The following PPP1R13L variants were observed in gnomAD, a reference collection of about 807,000 sequenced individuals.
PPP1R13L encodes protein phosphatase 1 regulatory subunit 13 like, also known as relA-associated inhibitor.
PPP1R13L carries 50 observed loss-of-function variants against 80.9 expected under a neutral mutation model. That is an observed-to-expected ratio of 0.62 (90% CI 0.49 to 0.78). The LOEUF (loss-of-function observed/expected upper bound fraction) is 0.78. PPP1R13L is among the 30% of genes least tolerant of loss of function. The probability of loss-of-function intolerance (pLI) is 0.00; values close to 1 mark genes in which losing one functional copy is unlikely to be tolerated. For missense variants in PPP1R13L, 1,200 were observed against 1,205.9 expected (o/e 1.00, Z 0.07); for synonymous variants, 602 against 534.3 (o/e 1.13, Z -1.75).
intron 8 of PPP1R13L, among the ~76,000 whole-genome samples, chr19:45,391,172 T>C (rs1193078485): frequency 6.8e-6 from 1 of 147,840 alleles, no homozygotes; most frequent in Non-Finnish European, 1.5e-5. Flanking sequence ...CACTCCAGCC[T>C]GAGTGATGGA....
At chr19:45,383,505 G>C (rs981347924) in intron 11 of PPP1R13L, among the ~76,000 whole-genome samples, 1 of 149,314 alleles carries the variant, frequency 6.7e-6, no homozygotes, top group African/African-American at 2.5e-5. Context: ...ATGTTGGTCA[G>C]GCTGGTATCA....
At chr19:45,399,830 T>A (rs533432489) in intron 1 of PPP1R13L, among the ~76,000 whole-genome samples, 19 of 151,666 alleles carry the variant, frequency 1.3e-4, no homozygotes, top group Non-Finnish European at 8.8e-5. Context: ...GTGCCTGTAA[T>A]CCCAGCTACT....
In PPP1R13L at chr19:45,396,018, A is replaced by G; in HGVS notation, c.904-132T>C. 1.6e-6 allele frequency: 2 copies of G among 1,266,598 alleles called. No homozygotes were observed. Among genetic ancestry groups the G allele is most frequent in the Non-Finnish European group, 1.1e-6 (1 of 920,326 alleles). 78.5% of individuals were successfully genotyped at this position (1,266,598 alleles called of 1,614,324 possible). Reference sequence around the variant, plus strand: ...GAGGGAGAAGAAAGGGTGAGGAAGGAGCAGAAACCCAGCACAGTGAAGGGA... The same window carrying G: ...GAGGGAGAAGAAAGGGTGAGGAAGGGGCAGAAACCCAGCACAGTGAAGGGA... On this transcript the variant is annotated intron_variant, in intron 6 of 12. Coordinates refer to ENST00000360957, the MANE Select transcript of PPP1R13L (RefSeq NM_006663.4). The surrounding 1 kb of genome is among the most constrained non-coding windows in gnomAD (Gnocchi z 5.3).
At position 45,386,044 on chromosome 19, in the gene PPP1R13L, C is replaced by T. The variant is rs566050527; in HGVS notation, c.1947+5G>A. On this transcript the variant is annotated splice_donor_5th_base_variant and intron_variant, in intron 9 of 12. Coordinates refer to ENST00000360957, the MANE Select transcript of PPP1R13L (RefSeq NM_006663.4). Reference sequence around the variant, plus strand: ...CGTGCCCACCTCCCGCTCAGCAGCGCTCACCTCCTTCACCGCCTGCTGCAC... The same window carrying T: ...CGTGCCCACCTCCCGCTCAGCAGCGTTCACCTCCTTCACCGCCTGCTGCAC... 1.9e-6 allele frequency: 3 copies of T among 1,589,240 alleles called. No individual in the cohort carries two copies. The African/African-American group carries it at 4.0e-5, about 21-fold the overall frequency.
Position 45,396,130 on chromosome 19 carries a change from C to A in PPP1R13L, c.903+38G>T, listed in dbSNP as rs1446516268. ...CCGCTCCCCCACCCCACTCCTCGAC[C>A]TTCCCCAGCCTCTCCTCCCCAGGCG... On this transcript the variant is annotated intron_variant, in intron 6 of 12. Transcript: ENST00000360957. The surrounding 1 kb of genome is among the most constrained non-coding windows in gnomAD (Gnocchi z 5.3). 1.9e-6 allele frequency: 3 copies of A among 1,559,556 alleles called. No homozygotes were observed. The highest frequency in any genetic ancestry group is 3.8e-5 in the Admixed American group (2 of 52,878).
chr19:45,391,907 G>C lies in PPP1R13L; in HGVS notation c.1788C>G (p.Ser596Arg). 6.7e-7 allele frequency: 1 copy of C among 1,496,366 alleles called. No homozygotes were observed. The highest frequency in any genetic ancestry group is 8.9e-7 in the Non-Finnish European group (1 of 1,126,782). 92.7% of individuals were successfully genotyped at this position (1,496,366 alleles called of 1,614,324 possible). ...TGCTCTGCGGCTGCTCTGGTGGGCT[G>C]CTCTGGGACGGGGCCGGGGGTGGAA... The part of the protein sequence containing the change: ...APIPPPAPSQ[S>R]SPPEQPQSME... Residue 596 changes from serine (S) to arginine (R), a missense_variant, in exon 8 of 13, where the codon AGC becomes AGG. This residue lies in a region of PPP1R13L where 214 missense variants were observed against 199.6 expected (regional missense o/e 1.07). Coordinates refer to ENST00000360957, the MANE Select transcript of PPP1R13L (RefSeq NM_006663.4).
At chr19:45,386,015 C>G in intron 9 of PPP1R13L, 34 bp downstream of exon 9, 1 of 1,579,962 alleles carries the variant, frequency 6.3e-7, no homozygotes, top group Non-Finnish European at 8.6e-7. Flanking sequence ...TGCGATGCCC[C>G]CGCCGTGCCC....
At chr19:45,391,733 A>G (rs1972975792) in intron 8 of PPP1R13L, 147 bp downstream of exon 8, 1 of 529,444 alleles carries the variant, frequency 1.9e-6, no homozygotes, top group Non-Finnish European at 3.0e-6. Flanking sequence ...TGAGGTGCCT[A>G]CAGTCCTGGG....
intron 12 of PPP1R13L, among the ~76,000 whole-genome samples, chr19:45,380,646 T>C (rs867383654): frequency 1.3e-5 from 2 of 152,134 alleles, no homozygotes; most frequent in South Asian, 2.1e-4. Context: ...GACGAGACCC[T>C]GTCTCTACTA....
At position 45,396,382 on chromosome 19, in the gene PPP1R13L, T is replaced by C. The variant is rs1222213125; in HGVS notation, c.767A>G (p.Asp256Gly). ...CGAAGGCTTCTTCTCGTACGCCACG[T>C]CCAGGTCAGACTCGTTCCAGGCTTT... Reference protein sequence around the residue: ...PPKAWNESDLDVAYEKKPSQT... With the variant: ...PPKAWNESDLGVAYEKKPSQT... Residue 256 changes from aspartate (D) to glycine (G), a missense_variant, in exon 5 of 13, where the codon GAC becomes GGC. Physicochemically the swap from Asp to Gly is moderately conservative, Grantham distance 94 (BLOSUM62 -1). Around this residue, in one of 5 missense-constraint regions of PPP1R13L, gnomAD observed 764 missense variants for 714.5 expected, o/e 1.07. Transcript: ENST00000360957. The surrounding 1 kb of genome is among the most constrained non-coding windows in gnomAD (Gnocchi z 5.3). 1 of 1,614,016 alleles carries C rather than the reference T, an allele frequency of 6.2e-7. No homozygotes were observed. The highest frequency in any genetic ancestry group is 8.5e-7 in the Non-Finnish European group (1 of 1,180,008).
At position 45,397,032 on chromosome 19, in the gene PPP1R13L, G is replaced by A. The variant is rs200414453; in HGVS notation, c.225C>T (p.Ile75=). The A allele has an allele frequency of 1.5e-6, 2 of 1,357,712 alleles. No individual in the cohort carries two copies. The allele number at this position is 1,357,712 out of a possible 1,614,324, so 84.1% of individuals were successfully genotyped here. ...ACCCTCGGCTGCCGAAGGGCTCAGG[G>A]ATCGAGCTGGAGCTGTACCGGGGCG... is the stretch of plus-strand genomic sequence containing the variant. ...SRPPRYSSSS[I]PEPFGSRGSP... Residue 75 remains isoleucine, a synonymous_variant, in exon 4 of 13, where the codon ATC becomes ATT. Coordinates refer to ENST00000360957, the MANE Select transcript of PPP1R13L (RefSeq NM_006663.4).
chr19:45,403,766 C>T (rs1350521272), intron 1 of PPP1R13L, among the ~76,000 whole-genome samples: 2 of 152,082 alleles, frequency 1.3e-5, no homozygotes, highest in East Asian at 3.9e-4. Flanking sequence ...CCTTCAAGCC[C>T]AGACATTGGG....
rs34421959 is a variant in PPP1R13L, at chr19:45,393,524, G to A, written c.1355-1184C>T. Among the ~76,000 whole-genome samples the A allele has an allele frequency of 9.4e-3, 1,430 of 151,646 alleles. 22 individuals are homozygous for A. Among genetic ancestry groups the A allele is most frequent in the African/African-American group, 0.032 (1,335 of 41,326 alleles). On this transcript the variant is annotated intron_variant, in intron 7 of 12. Transcript: ENST00000360957. ...GGAGAATCGCTTGAACCTGGGAGGT[G>A]TAGGATGCAGTGAGCTGAAACCTCA...
At chr19:45,383,535 T>G (rs1406215738) in intron 11 of PPP1R13L, among the ~76,000 whole-genome samples, 1 of 151,690 alleles carries the variant, frequency 6.6e-6, no homozygotes, top group Non-Finnish European at 1.5e-5. Flanking sequence ...CCTCAAGTGA[T>G]CCACCCGCCT....
rs1022676716 is a variant in PPP1R13L at position 45,401,310 on chromosome 19, G to A, written c.-21-2971C>T. 8.1e-5 allele frequency among the ~76,000 whole-genome samples: 12 copies of A among 148,826 alleles called. No homozygotes were observed. The Middle Eastern group carries it at 0.01, about 128-fold the overall frequency. On this transcript the variant is annotated intron_variant, in intron 1 of 12. Coordinates refer to ENST00000360957, the MANE Select transcript of PPP1R13L (RefSeq NM_006663.4). ...GCGGAGCTTTCAGTGAGCCGAGATC[G>A]CGCCACTGCACTCCAGCCTCGGAGA...
Position 45,398,114 on chromosome 19 carries a change from A to G in PPP1R13L, c.89T>C (p.Met30Thr), listed in dbSNP as rs747221785. Residue 30 changes from methionine (M) to threonine (T), a missense_variant, in exon 3 of 13, where the codon ATG (methionine) becomes ACG (threonine). Coordinates refer to ENST00000360957, the MANE Select transcript of PPP1R13L (RefSeq NM_006663.4). ...CTTGGCCGCCGCCGTGTCCAGCTCC[A>G]TCTGCTTCAGATCCATGTGTTTCAT... ...LAMKHMDLKQ[M>T]ELDTAAAKVD... is the part of the protein sequence containing the mutation. The G allele has an allele frequency of 1.2e-6, 2 of 1,614,016 alleles. No homozygotes were observed. Among genetic ancestry groups the G allele is most frequent in the South Asian group, 2.2e-5 (2 of 91,070 alleles).
In PPP1R13L at chr19:45,396,503, ACCCCGCGAGTCAAAGG is replaced by A; in HGVS notation, c.712+26_712+41del. On this transcript the variant is annotated intron_variant, in intron 4 of 12. Coordinates refer to ENST00000360957, the MANE Select transcript of PPP1R13L (RefSeq NM_006663.4). The surrounding 1 kb of genome is among the most constrained non-coding windows in gnomAD (Gnocchi z 5.3). ...CGAGCCCCGGATCCTGCCCGCTTTG[ACCCCGCGAGTCAAAGG>A]CCCCGCGAGGGGCCCCTGGGTTCAC... is the stretch of plus-strand genomic sequence containing the variant. The A allele has an allele frequency of 2.5e-6, 4 of 1,604,042 alleles. No individual in the cohort carries two copies. Among genetic ancestry groups the A allele is most frequent in the South Asian group, 1.1e-5 (1 of 90,682 alleles).
Position 45,396,013 on chromosome 19 carries a change from G to T in PPP1R13L, c.904-127C>A. The stretch of plus-strand genomic sequence containing the variant: ...GGAGTGAGGGAGAAGAAAGGGTGAG[G>T]AAGGAGCAGAAACCCAGCACAGTGA... On this transcript the variant is annotated intron_variant, in intron 6 of 12. Transcript: ENST00000360957. The surrounding 1 kb of genome is among the most constrained non-coding windows in gnomAD (Gnocchi z 5.3). 7.9e-7 allele frequency: 1 copy of T among 1,267,950 alleles called. No homozygotes were observed. The highest frequency in any genetic ancestry group is 1.1e-6 in the Non-Finnish European group (1 of 921,640). The allele number at this position is 1,267,950 out of a possible 1,614,324, so 78.5% of individuals were successfully genotyped here.
chr19:45,401,767 A>C (rs1290889183), intron 1 of PPP1R13L, among the ~76,000 whole-genome samples: 1 of 151,540 alleles, frequency 6.6e-6, no homozygotes, highest in African/African-American at 2.4e-5. Context: ...GGTATAGTGC[A>C]GCTGGTAAAA....
Sources: gnomAD v4.1 joint callset for allele counts (sites outside exome capture counted in the v4.1 genomes callset) on GRCh38, gnomAD v4.1.1 for gene constraint, gnomAD v4.1.1 regional missense constraint, Gnocchi (gnomAD v3.1) non-coding constraint, MANE v1.5 for transcripts, NCBI Gene and HGNC (gene_info 2026-07-23, HGNC 2026-07-21) for gene names.